KSR2: variants seen among roughly 807,000 people sequenced by gnomAD.
The protein encoded by KSR2 is kinase suppressor of ras 2.
KSR2 carries 25 observed loss-of-function variants against 107.8 expected under a neutral mutation model. The observed-to-expected ratio is 0.23, with a 90% CI of 0.17 to 0.32. The LOEUF (loss-of-function observed/expected upper bound fraction) is 0.32, where lower values mean the gene tolerates loss of function less well. Ranked by LOEUF, KSR2 falls within the 10% of genes least tolerant of loss-of-function variation. KSR2 has a pLI of 1.00. For missense variants in KSR2, 887 were observed against 1,268.9 expected (o/e 0.70, Z 4.57); for synonymous variants, 480 against 507.0 (o/e 0.95, Z 0.71).
intron 1 of KSR2, among the ~76,000 whole-genome samples, chr12:117,945,587 TTAC>T (rs889990378): frequency 3.3e-5 from 5 of 152,150 alleles, no homozygotes; most frequent in Non-Finnish European, 7.3e-5. Context: ...GGCAGGAGAA[TTAC>T]TTGAACCTCG....
Position 117,803,575 on chromosome 12 carries a change from A to C in KSR2, c.473-42051T>G, listed in dbSNP as rs557996127. On this transcript the variant is annotated intron_variant, in intron 3 of 19. Transcript: ENST00000339824. Reference sequence around the variant, plus strand: ...AAAATTAGCCGGACGTGGTGGCGGGAGCCTGTAGTCCCAGCTACTCGGTAG... The same window carrying C: ...AAAATTAGCCGGACGTGGTGGCGGGCGCCTGTAGTCCCAGCTACTCGGTAG... 1.8e-3 allele frequency among the ~76,000 whole-genome samples: 269 copies of C among 152,122 alleles called. 1 individual carries two copies. The highest frequency in any genetic ancestry group is 6.2e-3 in the African/African-American group (259 of 41,508).
chr12:117,663,243 G>C (rs1884515465), intron 5 of KSR2, among the ~76,000 whole-genome samples: 3 of 152,322 alleles, frequency 2.0e-5, no homozygotes, highest in Middle Eastern at 6.8e-3. Flanking sequence ...CTGCAGAGTG[G>C]AGGATTCAAA....
At chr12:117,821,927 A>G (rs1389650469) in intron 3 of KSR2, among the ~76,000 whole-genome samples, 1 of 152,206 alleles carries the variant, frequency 6.6e-6, no homozygotes, top group African/African-American at 2.4e-5. Flanking sequence ...AGACACAGGC[A>G]TTCTAAGTCA....
chr12:117,839,041 G>A (rs141171234), intron 3 of KSR2, among the ~76,000 whole-genome samples: 8 of 152,256 alleles, frequency 5.3e-5, no homozygotes, highest in Admixed American at 6.5e-5. Context: ...ACTTTGGCCC[G>A]TGGGCTATAC....
intron 1 of KSR2, among the ~76,000 whole-genome samples, chr12:117,954,292 T>C (rs1039715240): frequency 2.0e-5 from 3 of 152,172 alleles, no homozygotes; most frequent in Non-Finnish European, 4.4e-5. Context: ...CATCAGAGTT[T>C]TTAACTCTTC....
intron 4 of KSR2, among the ~76,000 whole-genome samples, chr12:117,751,748 G>A (rs1282996368): frequency 6.6e-6 from 1 of 152,152 alleles, no homozygotes; most frequent in Non-Finnish European, 1.5e-5. Context: ...GCCACTTGGA[G>A]GTAGGGGGCA....
At chr12:117,561,716 G>C (rs1469563627) in intron 7 of KSR2, among the ~76,000 whole-genome samples, 2 of 152,190 alleles carry the variant, frequency 1.3e-5, no homozygotes, top group Non-Finnish European at 2.9e-5. Flanking sequence ...CAATACGGAT[G>C]CTTGACTTCA....
chr12:117,630,429 G>A (rs1882750603), intron 5 of KSR2, among the ~76,000 whole-genome samples: 1 of 152,150 alleles, frequency 6.6e-6, no homozygotes, highest in Admixed American at 6.6e-5. Context: ...AGAGGGGTTG[G>A]AAGGTTGGGG....
chr12:117,932,110 A>T (rs1052277739), intron 1 of KSR2, among the ~76,000 whole-genome samples: 12 of 151,934 alleles, frequency 7.9e-5, no homozygotes, highest in African/African-American at 2.9e-4. Flanking sequence ...AACATGGCAA[A>T]ACCCCATCTC....
chr12:117,659,689 C>G (rs1884342409), intron 5 of KSR2, among the ~76,000 whole-genome samples: 1 of 152,194 alleles, frequency 6.6e-6, no homozygotes, highest in Non-Finnish European at 1.5e-5. Context: ...GTTTCCCCAT[C>G]TGTAAAACAA....
chr12:117,707,360 A>G (rs1308725655), intron 4 of KSR2, among the ~76,000 whole-genome samples: 1 of 152,150 alleles, frequency 6.6e-6, no homozygotes, highest in African/African-American at 2.4e-5. Flanking sequence ...ATACGAAAAA[A>G]CCATTGAATT....
At chr12:117,953,223 T>G (rs191048986) in intron 1 of KSR2, among the ~76,000 whole-genome samples, 102 of 150,376 alleles carry the variant, frequency 6.8e-4, no homozygotes, top group Admixed American at 2.2e-3. Context: ...AAATTGCTGG[T>G]GGGAATGTAA....
chr12:117,849,399 C>T (rs1892835416), intron 3 of KSR2, among the ~76,000 whole-genome samples: 2 of 152,126 alleles, frequency 1.3e-5, no homozygotes, highest in Non-Finnish European at 2.9e-5. Flanking sequence ...AACCATGCAA[C>T]CAATTTCGTT....
chr12:117,606,378 TCCCCTCC>T (rs1881240394), intron 5 of KSR2, among the ~76,000 whole-genome samples: 1 of 44,136 alleles, frequency 2.3e-5, no homozygotes, highest in Non-Finnish European at 4.2e-5. Flanking sequence ...CCTCCCTCCC[TCCCCTCC>T]TTCCTCCCTC....
intron 10 of KSR2, among the ~76,000 whole-genome samples, chr12:117,537,225 AC>A (rs1353640953): frequency 7.3e-5 from 11 of 151,578 alleles, no homozygotes; most frequent in Non-Finnish European, 1.2e-4. Flanking sequence ...AACAACAACA[AC>A]AACAAAAAAA....
chr12:117,670,376 T>C (rs779289817), intron 4 of KSR2, among the ~76,000 whole-genome samples: 5 of 152,152 alleles, frequency 3.3e-5, no homozygotes, highest in Non-Finnish European at 7.3e-5. Flanking sequence ...TATTATCTTC[T>C]CTCCAATGAT....
intron 3 of KSR2, among the ~76,000 whole-genome samples, chr12:117,791,934 G>A (rs1279309087): frequency 6.6e-6 from 1 of 152,142 alleles, no homozygotes; most frequent in African/African-American, 2.4e-5. Flanking sequence ...AAAACAGATT[G>A]CACAGCACTA....
chr12:117,557,015 A>G (rs1565899134), intron 8 of KSR2, among the ~76,000 whole-genome samples: 1 of 152,084 alleles, frequency 6.6e-6, no homozygotes, highest in Non-Finnish European at 1.5e-5. Context: ...AAATCCAAAA[A>G]GCAGCTGGGT....
chr12:117,850,381 A>AAT (rs1892876494), intron 3 of KSR2, among the ~76,000 whole-genome samples: 1 of 152,204 alleles, frequency 6.6e-6, no homozygotes, highest in Admixed American at 6.5e-5. Context: ...AAGGAAAGAA[A>AAT]ATTCTAGGCA....
Sources: allele counts gnomAD v4.1 joint callset (sites outside exome capture counted in the v4.1 genomes callset), GRCh38; gene constraint gnomAD v4.1.1; transcripts MANE v1.5; gene names NCBI Gene and HGNC (gene_info 2026-07-23, HGNC 2026-07-21).